Variants in RBFOX1 observed in about 807,000 individuals in gnomAD.
RBFOX1 encodes RNA binding protein fox-1 homolog 1.
A neutral mutation model predicts 57.7 loss-of-function variants in RBFOX1; 8 were observed. The observed-to-expected ratio is 0.14, with a 90% CI of 0.08 to 0.25. RBFOX1 has a LOEUF of 0.25. RBFOX1 is among the 10% of genes least tolerant of loss of function. The probability of loss-of-function intolerance (pLI) is 1.00; values close to 1 mark genes in which losing one functional copy is unlikely to be tolerated. For missense variants in RBFOX1, 611 were observed against 548.5 expected (o/e 1.11, Z -1.14); for synonymous variants, 326 against 222.4 (o/e 1.47, Z -4.15).
chr16:5,320,898 T>C (rs185057570), intron 1 of RBFOX1, among the ~76,000 whole-genome samples: 1,594 of 152,310 alleles, frequency 0.01, 21 homozygotes, highest in Non-Finnish European at 0.016. Flanking sequence ...TCTCCTGCTG[T>C]TGCCCCAGGG....
chr16:6,142,322 C>T (rs183186348), intron 1 of RBFOX1, among the ~76,000 whole-genome samples: 205 of 149,728 alleles, frequency 1.4e-3, no homozygotes, highest in African/African-American at 3.4e-3. Context: ...CCTGAGTTCA[C>T]GCCATTCTCC....
chr16:7,634,966 C>T lies in RBFOX1; in HGVS notation c.757+4283C>T, dbSNP rs922136207. On this transcript the variant is annotated intron_variant, in intron 11 of 15. Transcript: ENST00000550418. Reference sequence around the variant, plus strand: ...GCTTTCAATAGAAACAATTCAACCCCTTAACAGAAAGGTTTAGTGAAATGG... The same window carrying T: ...GCTTTCAATAGAAACAATTCAACCCTTTAACAGAAAGGTTTAGTGAAATGG... 2.0e-5 allele frequency among the ~76,000 whole-genome samples: 3 copies of T among 152,198 alleles called. No individual in the cohort carries two copies. The South Asian group carries it at 6.2e-4, about 32-fold the overall frequency.
chr16:6,221,936 A>C (rs1484480516), intron 1 of RBFOX1, among the ~76,000 whole-genome samples: 3 of 152,142 alleles, frequency 2.0e-5, no homozygotes, highest in Non-Finnish European at 4.4e-5. Context: ...CGTATCAACC[A>C]ATATATGAGA....
At chr16:6,806,641 C>A (rs182558339) in intron 3 of RBFOX1, among the ~76,000 whole-genome samples, 2 of 151,246 alleles carry the variant, frequency 1.3e-5, no homozygotes, top group Non-Finnish European at 2.9e-5. Flanking sequence ...TACCTACACG[C>A]GGTAACAGAT....
chr16:7,409,698 C>T (rs772809556), intron 4 of RBFOX1, among the ~76,000 whole-genome samples: 2 of 152,196 alleles, frequency 1.3e-5, no homozygotes, highest in Non-Finnish European at 2.9e-5. Flanking sequence ...CCCTTAACCC[C>T]ATCACCACCT....
At chr16:6,906,751 C>A (rs545343692) in intron 3 of RBFOX1, among the ~76,000 whole-genome samples, 7 of 146,140 alleles carry the variant, frequency 4.8e-5, no homozygotes, top group African/African-American at 1.3e-4. Flanking sequence ...GAGACAGAGT[C>A]TTGCTCTGTT....
At chr16:6,183,344 G>T (rs905526596) in intron 1 of RBFOX1, among the ~76,000 whole-genome samples, 1 of 151,778 alleles carries the variant, frequency 6.6e-6, no homozygotes, top group South Asian at 2.1e-4. Context: ...GCCAGGTGCG[G>T]TGCCATACTC....
chr16:7,683,380 T>C (rs1012599190), intron 14 of RBFOX1, among the ~76,000 whole-genome samples: 3 of 151,410 alleles, frequency 2.0e-5, no homozygotes, highest in Non-Finnish European at 4.4e-5. Flanking sequence ...CAACTTTCTC[T>C]CTCAAGAACT....
At chr16:6,612,092 C>G (rs945815573) in intron 2 of RBFOX1, among the ~76,000 whole-genome samples, 2 of 152,152 alleles carry the variant, frequency 1.3e-5, no homozygotes, top group Admixed American at 6.6e-5. Flanking sequence ...AACAACCCTC[C>G]CCTCTTGCAT....
chr16:6,677,091 G>C (rs991373804), intron 3 of RBFOX1, among the ~76,000 whole-genome samples: 3 of 152,198 alleles, frequency 2.0e-5, no homozygotes, highest in Non-Finnish European at 2.9e-5. Context: ...TTACAAGCAT[G>C]ATTCATTTAA....
chr16:7,297,323 C>A (rs748844938), intron 4 of RBFOX1, among the ~76,000 whole-genome samples: 1 of 152,226 alleles, frequency 6.6e-6, no homozygotes, highest in East Asian at 1.9e-4. Context: ...AAATCAGTTG[C>A]ATCCCTTCTC....
intron 5 of RBFOX1, among the ~76,000 whole-genome samples, chr16:7,573,132 G>A (rs929130729): frequency 6.6e-6 from 1 of 152,160 alleles, no homozygotes; most frequent in Non-Finnish European, 1.5e-5. Flanking sequence ...TCTCCAATGG[G>A]TGACACCTGG....
chr16:6,133,831 G>A lies in RBFOX1; in HGVS notation c.-127+113839G>A, dbSNP rs188386328. ...CATGCCTCATGTGCCCCAAGCAATA[G>A]TACACACACACACACGTTTGCTTAC... On this transcript the variant is annotated intron_variant, in intron 1 of 15. Transcript: ENST00000550418. Among the ~76,000 whole-genome samples the A allele has an allele frequency of 2.6e-5, 4 of 152,108 alleles. No individual in the cohort carries two copies. The East Asian group carries it at 7.7e-4, about 29-fold the overall frequency.
intron 3 of RBFOX1, among the ~76,000 whole-genome samples, chr16:5,844,564 G>A (rs78869420): frequency 0.035 from 5,308 of 152,212 alleles, 325 homozygotes; most frequent in African/African-American, 0.12. Flanking sequence ...TCACTAACTA[G>A]CAACTTCAAA....
chr16:6,483,299 C>A, intron 2 of RBFOX1: 1 of 1,398,380 alleles, frequency 7.2e-7, no homozygotes. Flanking sequence ...GCTGCTCGCT[C>A]TCGCGCCCGC....
intron 3 of RBFOX1, among the ~76,000 whole-genome samples, chr16:5,674,429 G>A (rs1044170198): frequency 1.3e-5 from 2 of 152,148 alleles, no homozygotes; most frequent in Non-Finnish European, 2.9e-5. Context: ...ATGCCCGGGC[G>A]CAGGTTGATA....
At chr16:6,802,740 A>C (rs1044806563) in intron 3 of RBFOX1, among the ~76,000 whole-genome samples, 1 of 152,198 alleles carries the variant, frequency 6.6e-6, no homozygotes, top group African/African-American at 2.4e-5. Context: ...TTTCGGCAAA[A>C]GCCATTCCCC....
At chr16:7,166,075 T>C (rs1428649342) in intron 4 of RBFOX1, among the ~76,000 whole-genome samples, 1 of 152,002 alleles carries the variant, frequency 6.6e-6, no homozygotes, top group Non-Finnish European at 1.5e-5. Flanking sequence ...GTGCAGTGGA[T>C]TGATCTCAGC....
At chr16:5,629,066 G>C (rs753141138) in intron 3 of RBFOX1, among the ~76,000 whole-genome samples, 1 of 152,018 alleles carries the variant, frequency 6.6e-6, no homozygotes, top group Admixed American at 6.6e-5. Flanking sequence ...CACCAGAGCA[G>C]CAGTAAGCAA....
Sources: gnomAD v4.1 joint callset for allele counts (sites outside exome capture counted in the v4.1 genomes callset) on GRCh38, gnomAD v4.1.1 for gene constraint, MANE v1.5 for transcripts, NCBI Gene and HGNC (gene_info 2026-07-23, HGNC 2026-07-21) for gene names.